The following EYS variants were observed in gnomAD, a reference collection of about 807,000 sequenced individuals.
EYS encodes the protein protein eyes shut homolog.
Under a neutral mutation model 282.1 loss-of-function variants are expected in EYS, and 250 were observed. That is an observed-to-expected ratio of 0.89 (90% CI 0.80 to 0.98). The LOEUF (loss-of-function observed/expected upper bound fraction) is 0.98. Among genes scored for constraint, EYS ranks in the 50% least tolerant of loss-of-function variants. The probability of loss-of-function intolerance (pLI) is 0.00; values close to 1 mark genes in which losing one functional copy is unlikely to be tolerated. For missense variants in EYS, 4,016 were observed against 3,709.0 expected (o/e 1.08, Z -2.15); for synonymous variants, 1,355 against 1,282.9 (o/e 1.06, Z -1.20).
chr6:65,241,151 G>A (rs956339022), intron 12 of EYS, among the ~76,000 whole-genome samples: 6 of 151,968 alleles, frequency 3.9e-5, no homozygotes, highest in Non-Finnish European at 7.4e-5. Flanking sequence ...CTTATATATA[G>A]TTATTTTTCA....
intron 30 of EYS, among the ~76,000 whole-genome samples, chr6:64,275,895 G>A (rs936923843): frequency 6.6e-6 from 1 of 151,734 alleles, no homozygotes; most frequent in Admixed American, 6.6e-5. Flanking sequence ...ACTCCAGGGG[G>A]CAGAGGTAGC....
chr6:65,217,952 G>C (rs1264180457), intron 12 of EYS, among the ~76,000 whole-genome samples: 4 of 152,066 alleles, frequency 2.6e-5, no homozygotes, highest in Non-Finnish European at 5.9e-5. Flanking sequence ...GAAGCACTGA[G>C]ACCAACTATG....
At chr6:63,894,293 G>A (rs1773478501) in intron 35 of EYS, among the ~76,000 whole-genome samples, 1 of 152,114 alleles carries the variant, frequency 6.6e-6, no homozygotes, top group Admixed American at 6.5e-5. Flanking sequence ...GGATTAGGGT[G>A]GGTGTTAAAT....
intron 12 of EYS, among the ~76,000 whole-genome samples, chr6:65,278,863 G>T (rs1196314049): frequency 6.6e-6 from 1 of 152,052 alleles, no homozygotes; most frequent in East Asian, 1.9e-4. Flanking sequence ...GTCAGTCATG[G>T]CTCTAAGAGG....
intron 29 of EYS, among the ~76,000 whole-genome samples, chr6:64,361,184 T>G (rs1258733973): frequency 6.9e-6 from 1 of 145,742 alleles, no homozygotes; most frequent in Non-Finnish European, 1.5e-5. Flanking sequence ...GATAAAACTT[T>G]TCTTTATGAT....
intron 28 of EYS, among the ~76,000 whole-genome samples, chr6:64,417,660 G>T: frequency 7.2e-6 from 1 of 139,580 alleles, no homozygotes; most frequent in Admixed American, 8.0e-5. Context: ...ATTCTTACCT[G>T]TAAGGGTTGG....
intron 14 of EYS, among the ~76,000 whole-genome samples, chr6:64,981,114 A>G (rs532396660): frequency 1.3e-5 from 2 of 151,446 alleles, no homozygotes; most frequent in South Asian, 2.1e-4. Context: ...TCATTCCTAT[A>G]TCACATAATT....
chr6:65,343,830 T>G (rs1770288317), intron 10 of EYS, among the ~76,000 whole-genome samples: 1 of 151,452 alleles, frequency 6.6e-6, no homozygotes, highest in South Asian at 2.1e-4. Context: ...TTCAAAATTT[T>G]TACTTTCCCA....
At chr6:64,171,070 G>T (rs140004790) in intron 31 of EYS, among the ~76,000 whole-genome samples, 1 of 152,124 alleles carries the variant, frequency 6.6e-6, no homozygotes, top group South Asian at 2.1e-4. Flanking sequence ...TCCTTTACAG[G>T]TTTAGAATGG....
chr6:64,971,460 T>C (rs985778717), intron 14 of EYS, among the ~76,000 whole-genome samples: 4 of 152,088 alleles, frequency 2.6e-5, no homozygotes, highest in African/African-American at 9.7e-5. Flanking sequence ...CACACTAAGT[T>C]TGAAGGGAAA....
chr6:64,233,755 T>C (rs1766501177), intron 30 of EYS, among the ~76,000 whole-genome samples: 1 of 152,200 alleles, frequency 6.6e-6, no homozygotes, highest in Non-Finnish European at 1.5e-5. Flanking sequence ...TAACATATGC[T>C]CAATGGATTC....
intron 2 of EYS, among the ~76,000 whole-genome samples, chr6:65,564,176 T>C (rs1769180390): frequency 6.6e-6 from 1 of 152,052 alleles, no homozygotes; most frequent in African/African-American, 2.4e-5. Flanking sequence ...ATAACCAATA[T>C]TGAAAAAATG....
At chr6:64,935,029 G>A (rs1274682826) in intron 15 of EYS, among the ~76,000 whole-genome samples, 1 of 151,750 alleles carries the variant, frequency 6.6e-6, no homozygotes, top group Non-Finnish European at 1.5e-5. Flanking sequence ...GGGAGCAATG[G>A]TGGAGCAATA....
intron 14 of EYS, among the ~76,000 whole-genome samples, chr6:64,947,751 C>T (rs753257482): frequency 6.7e-6 from 1 of 149,626 alleles, no homozygotes; most frequent in Non-Finnish European, 1.5e-5. Context: ...AAAATGAAAG[C>T]AATTCCACAA....
At chr6:64,311,697 T>C (rs1319232934) in intron 29 of EYS, among the ~76,000 whole-genome samples, 1 of 152,154 alleles carries the variant, frequency 6.6e-6, no homozygotes, top group Non-Finnish European at 1.5e-5. Flanking sequence ...TTGGGACTGG[T>C]TGGACAGTGG....
chr6:63,795,027 C>A lies in EYS; in HGVS notation c.7412-5803G>T, dbSNP rs115203653. 6.2e-3 allele frequency among the ~76,000 whole-genome samples: 940 copies of A among 152,178 alleles called. 9 individuals are homozygous for A. Among genetic ancestry groups the A allele is most frequent in the African/African-American group, 0.021 (864 of 41,504 alleles). On this transcript the variant is annotated intron_variant, in intron 37 of 42. Transcript: ENST00000503581. ...TGACTCTACATGAATAGTAGTTAAG[C>A]ATATCAAGATCTGGGAAGTGAATAA...
At chr6:65,522,705 T>G (rs1884372) in intron 2 of EYS, among the ~76,000 whole-genome samples, 62,671 of 152,010 alleles carry the variant, frequency 0.41, 13,723 homozygotes, top group African/African-American at 0.57. Flanking sequence ...GTTTAATCTT[T>G]GAAAGTTATT....
intron 31 of EYS, among the ~76,000 whole-genome samples, chr6:64,098,674 C>G (rs567052232): frequency 2.2e-4 from 33 of 150,666 alleles, no homozygotes; most frequent in Non-Finnish European, 4.3e-4. Context: ...CATCTCGGCT[C>G]ACTGCAACCT....
At chr6:64,222,945 T>TA (rs542218523) in intron 31 of EYS, among the ~76,000 whole-genome samples, 1 of 151,832 alleles carries the variant, frequency 6.6e-6, no homozygotes, top group African/African-American at 2.4e-5. Flanking sequence ...GTTTTCCTTT[T>TA]AAAAAAAACT....
Sources: gnomAD v4.1 joint callset for allele counts (sites outside exome capture counted in the v4.1 genomes callset) on GRCh38, gnomAD v4.1.1 for gene constraint, MANE v1.5 for transcripts, NCBI Gene and HGNC (gene_info 2026-07-23, HGNC 2026-07-21) for gene names.